FLT3: variants seen among roughly 807,000 people sequenced by gnomAD.
FLT3 encodes receptor-type tyrosine-protein kinase FLT3.
A neutral mutation model predicts 126.6 loss-of-function variants in FLT3; 46 were observed. The ratio of observed to expected loss-of-function variants is 0.36; its 90% confidence interval spans 0.29 to 0.46. The LOEUF (loss-of-function observed/expected upper bound fraction) is 0.46, where lower values mean the gene tolerates loss of function less well. FLT3 is among the 20% of genes least tolerant of loss of function. The pLI is 1.00. For synonymous variants in FLT3, 404 were observed against 434.4 expected (o/e 0.93, Z 0.87); for missense variants, 1,069 against 1,190.3 (o/e 0.90, Z 1.50).
chr13:28,097,275 T>A (rs1328976976), intron 1 of FLT3, among the ~76,000 whole-genome samples: 1 of 151,728 alleles, frequency 6.6e-6, no homozygotes, highest in Non-Finnish European at 1.5e-5. Context: ...AGGAAAAAAA[T>A]GGGTATTCAA....
At chr13:28,092,365 T>C (rs1879168732) in intron 1 of FLT3, among the ~76,000 whole-genome samples, 1 of 151,866 alleles carries the variant, frequency 6.6e-6, no homozygotes, top group Admixed American at 6.6e-5. Flanking sequence ...TGCCAACCCT[T>C]ATATTTTGAC....
chr13:28,074,740 A>T (rs962269116), intron 1 of FLT3, among the ~76,000 whole-genome samples: 9 of 152,096 alleles, frequency 5.9e-5, no homozygotes, highest in Non-Finnish European at 1.0e-4. Flanking sequence ...TCCTGGGCTC[A>T]AGCCATCCCC....
intron 20 of FLT3, among the ~76,000 whole-genome samples, chr13:28,016,135 A>T (rs1871835539): frequency 1.3e-5 from 2 of 152,298 alleles, no homozygotes; most frequent in South Asian, 2.1e-4. Flanking sequence ...CACTTCCAGA[A>T]ATGATACCAG....
chr13:28,069,589 G>A (rs1010998021), intron 2 of FLT3, among the ~76,000 whole-genome samples: 2 of 152,126 alleles, frequency 1.3e-5, no homozygotes, highest in African/African-American at 4.8e-5. Context: ...AGGAAATACA[G>A]TAGGCCCTCT....
intron 19 of FLT3, among the ~76,000 whole-genome samples, chr13:28,018,856 C>T (rs772730595): frequency 2.0e-5 from 3 of 152,182 alleles, no homozygotes; most frequent in Non-Finnish European, 2.9e-5. Context: ...TTGCAGATTC[C>T]GAGCAAAAGT....
intron 23 of FLT3, among the ~76,000 whole-genome samples, chr13:28,013,640 A>G (rs1376891691): frequency 2.0e-5 from 3 of 152,208 alleles, no homozygotes; most frequent in Non-Finnish European, 2.9e-5. Context: ...TAACTTAACA[A>G]CCCATTTTAC....
At chr13:28,085,100 T>G (rs1258685755) in intron 1 of FLT3, among the ~76,000 whole-genome samples, 5 of 151,974 alleles carry the variant, frequency 3.3e-5, no homozygotes, top group Non-Finnish European at 7.4e-5. Context: ...ACACCTCACT[T>G]TGGGAGGCCG....
intron 2 of FLT3, 55 bp downstream of exon 2, chr13:28,070,435 CA>C (rs1270494827): frequency 7.3e-6 from 11 of 1,504,142 alleles, no homozygotes; most frequent in Non-Finnish European, 1.0e-5. Flanking sequence ...CAATAACTTA[CA>C]AATTACGTTC....
At chr13:28,028,451 C>T (rs1439365112) in intron 15 of FLT3, among the ~76,000 whole-genome samples, 163 bp from the exon 16 acceptor site, 1 of 152,120 alleles carries the variant, frequency 6.6e-6, no homozygotes, top group Non-Finnish European at 1.5e-5. Flanking sequence ...AATCCCAGCA[C>T]TTTGGGAGGC....
intron 19 of FLT3, among the ~76,000 whole-genome samples, chr13:28,020,044 G>A (rs191619375): frequency 1.4e-4 from 22 of 152,276 alleles, no homozygotes; most frequent in African/African-American, 4.6e-4. Context: ...GCTAGACCAC[G>A]CTCTACTTGG....
At chr13:28,088,171 C>A (rs532897269) in intron 1 of FLT3, among the ~76,000 whole-genome samples, 3 of 152,226 alleles carry the variant, frequency 2.0e-5, no homozygotes, top group East Asian at 1.9e-4. Flanking sequence ...GCACTTTGTT[C>A]TTTCATGTCT....
At chr13:28,023,802 C>CTT (rs57182658) in intron 18 of FLT3, among the ~76,000 whole-genome samples, 31 of 149,814 alleles carry the variant, frequency 2.1e-4, no homozygotes, top group African/African-American at 4.9e-4. Context: ...TTGTCTATCC[C>CTT]TTTTTTTTTT....
At chr13:28,082,915 C>A (rs984299837) in intron 1 of FLT3, among the ~76,000 whole-genome samples, 1 of 151,940 alleles carries the variant, frequency 6.6e-6, no homozygotes, top group East Asian at 1.9e-4. Flanking sequence ...ACTGTGTTAG[C>A]CAGGATGGTC....
Position 28,052,691 on chromosome 13 carries a change from T to C in FLT3, c.485-17A>G. 6.5e-7 allele frequency: 1 copy of C among 1,531,664 alleles called. No homozygotes were observed. The highest frequency in any genetic ancestry group is 2.3e-5 in the East Asian group (1 of 44,392). 94.9% of individuals were successfully genotyped at this position (1,531,664 alleles called of 1,614,324 possible). On this transcript the variant is annotated splice_polypyrimidine_tract_variant and intron_variant, in intron 4 of 23. Transcript: ENST00000241453. ...GCAGGGTATCTAAAGCATCATAAGTTATTAACATTTTACTATTTTAAAAAT... is the reference window on the plus strand; with the variant it reads ...GCAGGGTATCTAAAGCATCATAAGTCATTAACATTTTACTATTTTAAAAAT...
At position 28,042,183 on chromosome 13, in the gene FLT3, AAT is replaced by A. The variant is rs1372506845; in HGVS notation, c.1206-4897_1206-4896del. ...TAATAATAATAATAATAATAATAAT[AAT>A]AATAAATAAAAATGTCAAAGAAAGA... is the stretch of plus-strand genomic sequence containing the variant. On this transcript the variant is annotated intron_variant, in intron 9 of 23. Transcript: ENST00000241453. 4.9e-5 allele frequency among the ~76,000 whole-genome samples: 7 copies of A among 143,472 alleles called. No individual in the cohort carries two copies. The East Asian group carries it at 1.4e-3, about 29-fold the overall frequency. The allele number at this position is 143,472 out of a possible 152,430, so 94.1% of individuals were successfully genotyped here.
At chr13:28,081,979 C>T (rs1006531391) in intron 1 of FLT3, among the ~76,000 whole-genome samples, 1 of 147,982 alleles carries the variant, frequency 6.8e-6, no homozygotes, top group African/African-American at 2.5e-5. Flanking sequence ...CCCTTAGCTT[C>T]TGAGTAGCTG....
intron 9 of FLT3, 43 bp from the exon 10 acceptor site, chr13:28,037,331 C>T (rs768278274): frequency 7.7e-6 from 9 of 1,171,900 alleles, no homozygotes; most frequent in Middle Eastern, 4.2e-4. Context: ...CCAATTGCTA[C>T]AGGAGATGCT....
intron 19 of FLT3, among the ~76,000 whole-genome samples, chr13:28,020,515 T>A (rs1252454311): frequency 1.3e-5 from 2 of 152,040 alleles, no homozygotes; most frequent in African/African-American, 2.4e-5. Context: ...GCCTGGCTGT[T>A]TTTCTATTCT....
At position 28,028,196 on chromosome 13, in the gene FLT3, C is replaced by A; in HGVS notation, c.2035G>T (p.Gly679Trp). Residue 679 changes from glycine to tryptophan, a missense_variant, in exon 16 of 24, where the codon GGG becomes TGG. Transcript: ENST00000241453. ...GSHENIVNLL[G>W]ACTLSGPIYL... ...GGGTTACCTGACAGTGTGCACGCCCCCAGCAGGTTCACAATATTCTCGTGG... is the reference window on the plus strand; with the variant it reads ...GGGTTACCTGACAGTGTGCACGCCCACAGCAGGTTCACAATATTCTCGTGG... 1 of 1,600,184 alleles carries A rather than the reference C, an allele frequency of 6.2e-7. No homozygotes were observed. Among genetic ancestry groups the A allele is most frequent in the Non-Finnish European group, 8.6e-7 (1 of 1,167,352 alleles).
Sources: allele counts gnomAD v4.1 joint callset (sites outside exome capture counted in the v4.1 genomes callset), GRCh38; gene constraint gnomAD v4.1.1; transcripts MANE v1.5; gene names NCBI Gene and HGNC (gene_info 2026-07-23, HGNC 2026-07-21).